The following SYT17 variants were observed in gnomAD, a reference collection of about 807,000 sequenced individuals.
SYT17 encodes synaptotagmin-17.
In SYT17, 22 loss-of-function variants were observed where a neutral mutation model predicts 46.7. The ratio of observed to expected loss-of-function variants is 0.47; its 90% CI spans 0.34 to 0.67. The LOEUF (loss-of-function observed/expected upper bound fraction) is 0.67, where lower values mean the gene tolerates loss of function less well. Among genes scored for constraint, SYT17 ranks in the 30% least tolerant of loss-of-function variants. The probability of loss-of-function intolerance (pLI) is 0.01; values close to 1 mark genes in which losing one functional copy is unlikely to be tolerated. For missense variants in SYT17, 519 were observed against 612.8 expected (o/e 0.85, Z 1.62); for synonymous variants, 251 against 248.4 (o/e 1.01, Z -0.10).
At chr16:19,239,464 A>T (rs1966930344) in intron 7 of SYT17, among the ~76,000 whole-genome samples, 1 of 152,138 alleles carries the variant, frequency 6.6e-6, no homozygotes, top group Admixed American at 6.5e-5. Context: ...TTAGTGCTGT[A>T]TCATTTTGAG....
At chr16:19,172,881 A>C (rs1403633734) in intron 2 of SYT17, 104 bp downstream of exon 2, 1 of 1,389,736 alleles carries the variant, frequency 7.2e-7, no homozygotes, top group Non-Finnish European at 1.0e-6. Context: ...AATATTCAAC[A>C]ATAACCTGGT....
At chr16:19,186,900 C>A (rs536522426) in intron 5 of SYT17, among the ~76,000 whole-genome samples, 2 of 152,234 alleles carry the variant, frequency 1.3e-5, no homozygotes, top group African/African-American at 4.8e-5. Context: ...AAATGAATAC[C>A]ATACCATTCC....
chr16:19,245,914 C>T (rs920863924), intron 7 of SYT17, among the ~76,000 whole-genome samples: 2 of 152,068 alleles, frequency 1.3e-5, no homozygotes, highest in African/African-American at 2.4e-5. Flanking sequence ...TATAATTTTT[C>T]CATACTATAT....
rs1351251077 is a variant in SYT17 at position 19,190,930 on chromosome 16, TG to T, written c.951+6785del. 2.0e-5 allele frequency among the ~76,000 whole-genome samples: 3 copies of T among 152,240 alleles called. No homozygotes were observed. In the East Asian group the frequency reaches 5.8e-4, roughly 29 times the overall value. On this transcript the variant is annotated intron_variant, in intron 5 of 7. Transcript: ENST00000355377. ...ACTGCTATGAACATGGGTGTGCAGA[TG>T]GCTTTTTGACCAACTGTGTGTGTGT...
chr16:19,179,032 TA>T (rs113720666), intron 3 of SYT17, among the ~76,000 whole-genome samples: 67 of 145,536 alleles, frequency 4.6e-4, no homozygotes, highest in Middle Eastern at 3.6e-3. Context: ...CCCTGTTTCT[TA>T]AAAAAAAAAA....
Position 19,267,265 on chromosome 16 carries a change from A to C in SYT17, c.*189A>C. On this transcript the variant is annotated 3_prime_UTR_variant, in exon 8 of 8. Transcript: ENST00000355377. ...GAGGAAGCTGACTATTGATCACAAA[A>C]TGGCCGCCCTCAGTTGAGTGAGGCC... 1 of 482,754 alleles carries C rather than the reference A, an allele frequency of 2.1e-6. No homozygotes were observed. The highest frequency in any genetic ancestry group is 3.3e-6 in the Non-Finnish European group (1 of 304,362). 29.9% of individuals were successfully genotyped at this position (482,754 alleles called of 1,614,324 possible).
chr16:19,253,608 C>G (rs1407408258), intron 7 of SYT17, among the ~76,000 whole-genome samples: 1 of 151,474 alleles, frequency 6.6e-6, no homozygotes, highest in East Asian at 2.0e-4. Context: ...TCACTGCACT[C>G]CAGCCTGGGC....
intron 6 of SYT17, among the ~76,000 whole-genome samples, chr16:19,224,388 T>G (rs1206467886): frequency 6.6e-6 from 1 of 152,048 alleles, no homozygotes; most frequent in Admixed American, 6.6e-5. Flanking sequence ...GGATAATAGA[T>G]GGATGGATGG....
intron 3 of SYT17, among the ~76,000 whole-genome samples, chr16:19,178,658 C>G (rs1964419501): frequency 6.6e-6 from 1 of 152,098 alleles, no homozygotes; most frequent in Non-Finnish European, 1.5e-5. Context: ...CTGAAGACCT[C>G]ACAGCATTCA....
At chr16:19,243,054 C>T (rs988056772) in intron 7 of SYT17, among the ~76,000 whole-genome samples, 1 of 152,128 alleles carries the variant, frequency 6.6e-6, no homozygotes, top group Non-Finnish European at 1.5e-5. Flanking sequence ...CTGCCTCCCC[C>T]CATGCCCTGC....
chr16:19,247,465 G>A (rs1967664300), intron 7 of SYT17, among the ~76,000 whole-genome samples: 1 of 152,140 alleles, frequency 6.6e-6, no homozygotes, highest in South Asian at 2.1e-4. Flanking sequence ...CTTGCCCCAA[G>A]CAACCCTCCT....
In SYT17 at chr16:19,215,772, G is replaced by C. The variant is rs75625063; in HGVS notation, c.952-7273G>C. Among the ~76,000 whole-genome samples the C allele has an allele frequency of 4.0e-3, 608 of 152,264 alleles. 6 individuals carry two copies. The highest frequency in any genetic ancestry group is 0.014 in the African/African-American group (584 of 41,546). ...CCTTGTATTAGTCTGTTCTCATGCTGCTGATAAAGACATACCTGAGACTAG... is the reference window on the plus strand; with the variant it reads ...CCTTGTATTAGTCTGTTCTCATGCTCCTGATAAAGACATACCTGAGACTAG... On this transcript the variant is annotated intron_variant, in intron 5 of 7. Coordinates refer to ENST00000355377, the MANE Select transcript of SYT17 (RefSeq NM_016524.4).
intron 5 of SYT17, among the ~76,000 whole-genome samples, chr16:19,213,418 A>G (rs1245023632): frequency 6.6e-6 from 1 of 152,236 alleles, no homozygotes; most frequent in East Asian, 1.9e-4. Context: ...GGTAATTTAC[A>G]GAGTGGGTAG....
At position 19,183,099 on chromosome 16, in the gene SYT17, G is replaced by A. The variant is rs1000969488; in HGVS notation, c.332-429G>A. 2.1e-4 allele frequency among the ~76,000 whole-genome samples: 32 copies of A among 152,168 alleles called. No individual in the cohort carries two copies. Among genetic ancestry groups the A allele is most frequent in the African/African-American group, 6.8e-4 (28 of 41,444 alleles). ...CTCACTCTCTTAAAGTGGAGACATCGTAGGATAATGGTTAGAGCCAGACTC... is the reference window on the plus strand; with the variant it reads ...CTCACTCTCTTAAAGTGGAGACATCATAGGATAATGGTTAGAGCCAGACTC... On this transcript the variant is annotated intron_variant, in intron 4 of 7. Coordinates refer to ENST00000355377, the MANE Select transcript of SYT17 (RefSeq NM_016524.4). The surrounding 1 kb of genome is among the most constrained non-coding windows in gnomAD (Gnocchi z 5.6).
At chr16:19,204,428 G>A (rs1242961895) in intron 5 of SYT17, among the ~76,000 whole-genome samples, 2 of 152,088 alleles carry the variant, frequency 1.3e-5, no homozygotes, top group Non-Finnish European at 2.9e-5. Context: ...AGGGCAGAGG[G>A]TGAGGGAGGT....
At chr16:19,178,258 AT>A (rs377447782) in intron 3 of SYT17, among the ~76,000 whole-genome samples, 2 of 147,284 alleles carry the variant, frequency 1.4e-5, no homozygotes, top group Admixed American at 6.8e-5. Context: ...AATTTTTTGT[AT>A]TTTTTTTAGT....
intron 5 of SYT17, among the ~76,000 whole-genome samples, chr16:19,199,944 A>G (rs1009921180): frequency 6.6e-6 from 1 of 152,232 alleles, no homozygotes. Flanking sequence ...TTTAATTCCC[A>G]CAACAACCAT....
chr16:19,244,590 C>T (rs1447482043), intron 7 of SYT17, among the ~76,000 whole-genome samples: 3 of 152,222 alleles, frequency 2.0e-5, no homozygotes, highest in Non-Finnish European at 4.4e-5. Flanking sequence ...CCATCTCAGC[C>T]TCCCAAAGTG....
chr16:19,167,911 C>CA (rs1269140243), upstream of SYT17: 2 of 152,452 alleles, frequency 1.3e-5, no homozygotes, highest in Non-Finnish European at 2.9e-5. Flanking sequence ...GCCCTGGACG[C>CA]AGCACCTCCG....
Sources: gnomAD v4.1 joint callset for allele counts (sites outside exome capture counted in the v4.1 genomes callset) on GRCh38, gnomAD v4.1.1 for gene constraint, Gnocchi (gnomAD v3.1) non-coding constraint, MANE v1.5 for transcripts, NCBI Gene and HGNC (gene_info 2026-07-23, HGNC 2026-07-21) for gene names.